Variants in GALK2 observed in about 807,000 individuals in gnomAD.
GALK2 encodes N-acetylgalactosamine kinase.
A neutral mutation model predicts 52.4 loss-of-function variants in GALK2; 36 were observed. The ratio of observed to expected loss-of-function variants is 0.69; its 90% CI spans 0.53 to 0.91. The LOEUF (loss-of-function observed/expected upper bound fraction) is 0.91. GALK2 is among the 40% of genes least tolerant of loss of function. GALK2 has a pLI of 0.00. For missense variants in GALK2, 579 were observed against 559.1 expected (o/e 1.04, Z -0.36); for synonymous variants, 176 against 199.1 (o/e 0.88, Z 0.98).
At chr15:49,236,678 A>C (rs952070650) in intron 4 of GALK2, among the ~76,000 whole-genome samples, 1 of 152,232 alleles carries the variant, frequency 6.6e-6, no homozygotes, top group African/African-American at 2.4e-5. Flanking sequence ...TAATTATTTT[A>C]GATGTAGTGA....
intron 2 of GALK2, among the ~76,000 whole-genome samples, chr15:49,203,208 G>A (rs752933240): frequency 1.3e-5 from 2 of 152,054 alleles, no homozygotes; most frequent in African/African-American, 4.8e-5. Context: ...GTGCCACCAT[G>A]CCCAGGTAAT....
intron 1 of GALK2, among the ~76,000 whole-genome samples, chr15:49,190,495 A>G (rs2086653475): frequency 6.6e-6 from 1 of 152,238 alleles, no homozygotes; most frequent in Admixed American, 6.5e-5. Flanking sequence ...ACTGAGATAA[A>G]TAAAATCTTT....
intron 1 of GALK2, among the ~76,000 whole-genome samples, chr15:49,164,636 C>A (rs2084759081): frequency 6.6e-6 from 1 of 151,904 alleles, no homozygotes; most frequent in East Asian, 1.9e-4. Context: ...CAAAAATTAG[C>A]CGAGCGTGGT....
intron 8 of GALK2, among the ~76,000 whole-genome samples, chr15:49,314,830 C>G (rs2036272604): frequency 6.6e-6 from 1 of 152,168 alleles, no homozygotes; most frequent in Non-Finnish European, 1.5e-5. Context: ...TGAGTCTCTT[C>G]AAAGCTGTGA....
intron 3 of GALK2, among the ~76,000 whole-genome samples, chr15:49,351,384 G>C (rs1449911956): frequency 6.6e-6 from 1 of 152,122 alleles, no homozygotes; most frequent in African/African-American, 2.4e-5. Context: ...CCAAACTCTG[G>C]AGCATGCAAC....
At chr15:49,236,047 G>C (rs535246968) in intron 4 of GALK2, 106 bp downstream of exon 4, 1 of 721,262 alleles carries the variant, frequency 1.4e-6, no homozygotes, top group East Asian at 2.5e-5. Context: ...AGTACTAACC[G>C]ATGCTTCTGT....
At position 49,235,883 on chromosome 15, in the gene GALK2, T is replaced by C. The variant is rs1202735705; in HGVS notation, c.299T>C (p.Ile100Thr). 2 of 1,613,668 alleles carry C rather than the reference T, an allele frequency of 1.2e-6. No individual in the cohort carries two copies. The highest frequency in any genetic ancestry group is 1.3e-5 in the African/African-American group (1 of 75,038). ...AGTACTAGTGCTAATAACATCCAGATTGATAAAACCAAGCCTTTGTGGCAC... is the reference window on the plus strand; with the variant it reads ...AGTACTAGTGCTAATAACATCCAGACTGATAAAACCAAGCCTTTGTGGCAC... Reference protein sequence around the residue: ...DFSTSANNIQIDKTKPLWHNY... With the variant: ...DFSTSANNIQTDKTKPLWHNY... Residue 100 changes from isoleucine (I) to threonine (T), a missense_variant, in exon 4 of 10, where the codon ATT (isoleucine) becomes ACT (threonine). Coordinates refer to ENST00000560031, the MANE Select transcript of GALK2 (RefSeq NM_002044.4).
intron 5 of GALK2, among the ~76,000 whole-genome samples, chr15:49,242,115 T>A (rs1202527690): frequency 6.6e-6 from 1 of 152,196 alleles, no homozygotes; most frequent in Non-Finnish European, 1.5e-5. Context: ...ATTTTACTCT[T>A]GTAAAAATCA....
At chr15:49,269,676 A>AG (rs2030100347) in intron 5 of GALK2, among the ~76,000 whole-genome samples, 1 of 152,142 alleles carries the variant, frequency 6.6e-6, no homozygotes, top group Non-Finnish European at 1.5e-5. Flanking sequence ...CCCAGAACTC[A>AG]GGGGCCCTCT....
At chr15:49,357,927 T>C (rs543145984) in intron 3 of GALK2, among the ~76,000 whole-genome samples, 6,994 of 151,902 alleles carry the variant, frequency 0.046, 225 homozygotes, top group Middle Eastern at 0.12. Flanking sequence ...GCAAGGCTGG[T>C]TCAATATACA....
intron 8 of GALK2, among the ~76,000 whole-genome samples, chr15:49,296,327 C>T (rs1377236191): frequency 6.6e-6 from 1 of 152,104 alleles, no homozygotes; most frequent in African/African-American, 2.4e-5. Flanking sequence ...TTCTTTGTCA[C>T]CATATGTACT....
At chr15:49,324,276 T>C (rs972793025) in intron 9 of GALK2, among the ~76,000 whole-genome samples, 13 of 152,060 alleles carry the variant, frequency 8.5e-5, no homozygotes, top group African/African-American at 3.1e-4. Context: ...ATGTATTCCA[T>C]GGTGAGGCTG....
intron 1 of GALK2, among the ~76,000 whole-genome samples, chr15:49,178,224 T>TAG (rs1566907205): frequency 8.7e-6 from 1 of 115,518 alleles, no homozygotes; most frequent in Non-Finnish European, 1.8e-5. Flanking sequence ...TATATATATA[T>TAG]ATAGAAATAA....
downstream of GALK2, among the ~76,000 whole-genome samples, chr15:49,335,133 C>T (rs1052343115): frequency 5.3e-5 from 8 of 152,136 alleles, no homozygotes; most frequent in African/African-American, 1.9e-4. Flanking sequence ...ATGGACGATA[C>T]TCCAGTCTCC....
At chr15:49,265,913 A>G (rs1027496592) in intron 5 of GALK2, among the ~76,000 whole-genome samples, 2 of 152,228 alleles carry the variant, frequency 1.3e-5, no homozygotes, top group African/African-American at 4.8e-5. Context: ...TGCTTTAAGT[A>G]TGTGTCCTAA....
chr15:49,228,687 A>ATTTTTTTT (rs1174406561), intron 3 of GALK2, among the ~76,000 whole-genome samples: 1 of 14,274 alleles, frequency 7.0e-5, no homozygotes, highest in African/African-American at 3.4e-4. Context: ...ATATATATAT[A>ATTTTTTTT]TTTTTTTTTT....
At chr15:49,178,505 G>T (rs570083679) in intron 1 of GALK2, 1 of 285,154 alleles carries the variant, frequency 3.5e-6, no homozygotes, top group Admixed American at 3.8e-5. Flanking sequence ...GCCATAAGCT[G>T]CACCCTTAGG....
intron 2 of GALK2, among the ~76,000 whole-genome samples, chr15:49,206,699 CTT>C (rs1255884876): frequency 1.3e-5 from 2 of 152,040 alleles, no homozygotes; most frequent in African/African-American, 2.4e-5. Context: ...TATCTGGAAA[CTT>C]TGCTGAATTC....
At position 49,330,507 on chromosome 15, in the gene GALK2, A is replaced by C. The variant is rs913910296; in HGVS notation, c.*2348A>C. Reference sequence around the variant, plus strand: ...GATACTACTTGTCCAACATTTCTACAGGGCATCAATGAACTAGGGCTGAGA... The same window carrying C: ...GATACTACTTGTCCAACATTTCTACCGGGCATCAATGAACTAGGGCTGAGA... On this transcript the variant is annotated 3_prime_UTR_variant, in exon 10 of 10. Coordinates refer to ENST00000560031, the MANE Select transcript of GALK2 (RefSeq NM_002044.4). 1.3e-5 allele frequency: 2 copies of C among 152,198 alleles called. No homozygotes were observed. Among genetic ancestry groups the C allele is most frequent in the African/African-American group, 4.8e-5 (2 of 41,432 alleles). 9.4% of individuals were successfully genotyped at this position (152,198 alleles called of 1,614,324 possible).
Sources: gnomAD v4.1 joint callset for allele counts (sites outside exome capture counted in the v4.1 genomes callset) on GRCh38, gnomAD v4.1.1 for gene constraint, MANE v1.5 for transcripts, NCBI Gene and HGNC (gene_info 2026-07-23, HGNC 2026-07-21) for gene names.